Variants in ASPRV1 observed in about 807,000 individuals in gnomAD.
The protein encoded by ASPRV1 is aspartic peptidase retroviral like 1.
ASPRV1 carries 7 observed loss-of-function variants against 11.0 expected under a neutral mutation model. The ratio of observed to expected loss-of-function variants is 0.64; its 90% CI spans 0.36 to 1.20. The LOEUF is 1.20. Ranked by LOEUF, ASPRV1 falls within the 50% of genes most tolerant of loss-of-function variation. The pLI is 0.02. For missense variants in ASPRV1, 299 were observed against 320.0 expected, an observed-to-expected ratio of 0.93 and a Z score of 0.50; for synonymous variants, 136 against 138.4, an observed-to-expected ratio of 0.98 and a Z score of 0.12.
At chr2:70,078,107 AGATCGC>A in the ASPRV1 span, among the ~76,000 whole-genome samples, 8 of 152,200 alleles carry the variant, frequency 5.3e-5, no homozygotes, top group African/African-American at 1.9e-4. Flanking sequence ...CACTGAGCCG[AGATCGC>A]GCCACTGCAC....
At chr2:69,961,735 C>A (rs1348801047), upstream of ASPRV1, 1 of 1,511,752 alleles carries the variant, frequency 6.6e-7, no homozygotes, top group African/African-American at 1.4e-5. Context: ...CGCCCTCCTG[C>A]CAGCATCCGG....
chr2:70,035,620 A>G, the ASPRV1 span, among the ~76,000 whole-genome samples: 2 of 150,848 alleles, frequency 1.3e-5, no homozygotes, highest in East Asian at 3.9e-4. Context: ...ATTTCTGTTA[A>G]CACTGACCCT....
chr2:69,943,195 C>T, the ASPRV1 span, among the ~76,000 whole-genome samples: 2 of 152,208 alleles, frequency 1.3e-5, no homozygotes, highest in South Asian at 2.1e-4. Flanking sequence ...TTCACCTGCT[C>T]GTTGACTCAT....
chr2:69,937,080 G>C, the ASPRV1 span: 232 of 980,776 alleles, frequency 2.4e-4, no homozygotes, highest in East Asian at 5.5e-3. Flanking sequence ...TCACTGGCCA[G>C]TCGACTTCCT....
chr2:70,065,926 G>C, the ASPRV1 span, among the ~76,000 whole-genome samples: 1 of 151,800 alleles, frequency 6.6e-6, no homozygotes, highest in South Asian at 2.1e-4. Flanking sequence ...GCTCAATGGA[G>C]GCTGGGTGCA....
chr2:70,008,596 A>C, the ASPRV1 span, among the ~76,000 whole-genome samples: 1 of 151,764 alleles, frequency 6.6e-6, no homozygotes. Flanking sequence ...CCCAATGCAA[A>C]TTTGTAAACT....
chr2:69,998,543 G>C, the ASPRV1 span, among the ~76,000 whole-genome samples: 2 of 151,904 alleles, frequency 1.3e-5, no homozygotes, highest in Admixed American at 1.3e-4. Flanking sequence ...TCGAGACCAC[G>C]GTGAAACCCC....
the ASPRV1 span, among the ~76,000 whole-genome samples, chr2:70,059,126 C>A: frequency 1.3e-5 from 2 of 149,544 alleles, no homozygotes; most frequent in South Asian, 4.3e-4. Flanking sequence ...CTCCTGACCT[C>A]GTGATCCGCC....
chr2:69,998,019 T>A, the ASPRV1 span: 8 of 152,174 alleles, frequency 5.3e-5, no homozygotes, highest in African/African-American at 1.2e-4. Context: ...TCAGGGCTAG[T>A]GAGGGGCAGG....
At chr2:70,070,856 G>T in the ASPRV1 span, 1 of 142,092 alleles carries the variant, frequency 7.0e-6, no homozygotes, top group Non-Finnish European at 1.5e-5. Context: ...AGCCAGGAAA[G>T]ACAAACTATA....
chr2:70,082,782 TACTGAGGAG>T, the ASPRV1 span, among the ~76,000 whole-genome samples: 1 of 152,068 alleles, frequency 6.6e-6, no homozygotes, highest in Non-Finnish European at 1.5e-5. Context: ...CAGTCCCAGT[TACTGAGGAG>T]GCTGAGGTGG....
the ASPRV1 span, chr2:70,049,208 G>C: frequency 8.9e-6 from 1 of 112,330 alleles, no homozygotes; most frequent in Non-Finnish European, 1.7e-5. Flanking sequence ...CCTCAAGTAA[G>C]ATCACTTTCA....
At chr2:69,962,709 A>G (rs1678168832), upstream of ASPRV1, 1 of 159,846 alleles carries the variant, frequency 6.3e-6, no homozygotes, top group African/African-American at 2.4e-5. Flanking sequence ...TTCAAAGGTC[A>G]CTCCATGGAG....
At chr2:70,080,515 C>G in the ASPRV1 span, among the ~76,000 whole-genome samples, 1 of 152,206 alleles carries the variant, frequency 6.6e-6, no homozygotes, top group Non-Finnish European at 1.5e-5. Flanking sequence ...GCGTGAGCCA[C>G]TGTGCCCGGC....
At chr2:70,034,251 G>A in the ASPRV1 span, among the ~76,000 whole-genome samples, 42 of 149,190 alleles carry the variant, frequency 2.8e-4, no homozygotes, top group African/African-American at 9.9e-4. Flanking sequence ...ACGGAGTTTC[G>A]CTCTTGTTGC....
At chr2:70,075,497 G>T in the ASPRV1 span, among the ~76,000 whole-genome samples, 1 of 152,152 alleles carries the variant, frequency 6.6e-6, no homozygotes, top group African/African-American at 2.4e-5. Context: ...TCACCATGAG[G>T]TTATTTTTAA....
At chr2:69,977,903 T>C in the ASPRV1 span, among the ~76,000 whole-genome samples, 2 of 152,192 alleles carry the variant, frequency 1.3e-5, no homozygotes, top group Non-Finnish European at 2.9e-5. Flanking sequence ...AGTTGTGTCA[T>C]TCCAGGCTGT....
At chr2:70,057,175 G>A in the ASPRV1 span, among the ~76,000 whole-genome samples, 7 of 152,118 alleles carry the variant, frequency 4.6e-5, no homozygotes, top group East Asian at 5.8e-4. Context: ...GCCAAGGTAG[G>A]TGGATTGCTT....
In ASPRV1 at chr2:69,961,503, C is replaced by T. The variant is rs138675353; in HGVS notation, c.-67G>A. On this transcript the variant is annotated 5_prime_UTR_variant, in exon 1 of 1. Transcript: ENST00000320256. ...AGAAGAGAAACCCACAGAGCAGTGT[C>T]GGCGCAATCACGCTGGAAAACGGGG... is the stretch of plus-strand genomic sequence containing the variant. The T allele has an allele frequency of 8.7e-5, 140 of 1,614,102 alleles. No homozygotes were observed. The highest frequency in any genetic ancestry group is 1.1e-4 in the African/African-American group (8 of 75,046).
Sources: allele counts gnomAD v4.1 joint callset (sites outside exome capture counted in the v4.1 genomes callset), GRCh38; gene constraint gnomAD v4.1.1; transcripts MANE v1.5; gene names NCBI Gene and HGNC (gene_info 2026-07-23, HGNC 2026-07-21).